The following RAD51B variants were observed in gnomAD, a reference collection of about 807,000 sequenced individuals.
RAD51B encodes the protein RAD51 paralog B, also known as DNA repair protein RAD51 homolog 2.
RAD51B carries 38 observed loss-of-function variants against 42.2 expected under a neutral mutation model. That is an observed-to-expected ratio of 0.90 (90% CI 0.70 to 1.18). The LOEUF (loss-of-function observed/expected upper bound fraction) is 1.18, where lower values mean the gene tolerates loss of function less well. Ranked by LOEUF, RAD51B falls within the 50% of genes most tolerant of loss-of-function variation. The pLI, the probability that RAD51B is intolerant of heterozygous loss-of-function variation, is 0.00. For missense variants in RAD51B, 373 were observed against 400.7 expected, an observed-to-expected ratio of 0.93 and a Z score of 0.59; for synonymous variants, 154 against 145.2, an observed-to-expected ratio of 1.06 and a Z score of -0.43.
chr14:68,541,296 A>G, intron 10 of RAD51B: 5 of 985,476 alleles, frequency 5.1e-6, no homozygotes, highest in Non-Finnish European at 6.0e-6. Context: ...TGTGGCAAAG[A>G]ATAGGTGGCT....
chr14:68,023,385 G>C (rs11624609), intron 7 of RAD51B, among the ~76,000 whole-genome samples: 26,367 of 152,014 alleles, frequency 0.17, 2,472 homozygotes, highest in Middle Eastern at 0.35. Context: ...ATCCAGGCTG[G>C]AGTGAAGTCC....
intron 10 of RAD51B, among the ~76,000 whole-genome samples, chr14:68,566,489 C>T (rs1481163301): frequency 6.6e-6 from 1 of 152,202 alleles, no homozygotes; most frequent in Non-Finnish European, 1.5e-5. Flanking sequence ...CTTGTATGCC[C>T]TGTTATGCCA....
intron 10 of RAD51B, among the ~76,000 whole-genome samples, chr14:68,521,779 G>C (rs1020906543): frequency 2.0e-5 from 3 of 152,110 alleles, no homozygotes; most frequent in African/African-American, 7.2e-5. Flanking sequence ...AAAACCTCCA[G>C]AATTTTCAGA....
chr14:68,438,638 A>G (rs902211057), intron 9 of RAD51B, among the ~76,000 whole-genome samples: 1 of 152,146 alleles, frequency 6.6e-6, no homozygotes, highest in Non-Finnish European at 1.5e-5. Context: ...TTTATAGCAC[A>G]TCATGTCATC....
intron 8 of RAD51B, 78 bp downstream of exon 8, chr14:68,292,058 C>T: frequency 7.5e-7 from 1 of 1,325,680 alleles, no homozygotes; most frequent in South Asian, 1.2e-5. Context: ...CTGTTGAGAG[C>T]TGGGAGATAT....
intron 7 of RAD51B, among the ~76,000 whole-genome samples, chr14:68,143,996 T>G (rs1478266170): frequency 6.6e-6 from 1 of 152,198 alleles, no homozygotes; most frequent in African/African-American, 2.4e-5. Context: ...GTGAACATCC[T>G]GTGGAAGATT....
At chr14:68,295,574 C>T (rs1320129847) in intron 8 of RAD51B, among the ~76,000 whole-genome samples, 4 of 152,216 alleles carry the variant, frequency 2.6e-5, no homozygotes, top group African/African-American at 9.6e-5. Context: ...TTGATCTCAG[C>T]AGGGGGATGC....
At chr14:68,108,269 G>C (rs1014658177) in intron 7 of RAD51B, among the ~76,000 whole-genome samples, 3 of 151,784 alleles carry the variant, frequency 2.0e-5, no homozygotes, top group African/African-American at 4.8e-5. Flanking sequence ...CCACACCTAG[G>C]TATATACCCA....
At chr14:67,922,010 A>G (rs2044342819) in intron 7 of RAD51B, among the ~76,000 whole-genome samples, 3 of 152,164 alleles carry the variant, frequency 2.0e-5, no homozygotes, top group Admixed American at 2.0e-4. Flanking sequence ...TTAGCTTCAT[A>G]TATTTCTGTG....
rs545809561 is a variant in RAD51B, at chr14:68,004,995, C to T, written c.756+117791C>T. 5.0e-5 allele frequency among the ~76,000 whole-genome samples: 7 copies of T among 139,668 alleles called. No homozygotes were observed. In the South Asian group the frequency reaches 1.7e-3, roughly 34 times the overall value. The allele number at this position is 139,668 out of a possible 152,430, so 91.6% of individuals were successfully genotyped here. A position where few individuals can be genotyped will look rare whatever the true frequency, so the allele number is the denominator to read the frequency against. Reference sequence around the variant, plus strand: ...TTTTGTGATTATTCATACAATAGAACATATTACATATTTATGTATCCATTC... The same window carrying T: ...TTTTGTGATTATTCATACAATAGAATATATTACATATTTATGTATCCATTC... On this transcript the variant is annotated intron_variant, in intron 7 of 10. Coordinates refer to ENST00000471583, the MANE Select transcript of RAD51B (RefSeq NM_133510.4).
chr14:68,209,595 A>T (rs2079660642), intron 7 of RAD51B, among the ~76,000 whole-genome samples: 1 of 152,098 alleles, frequency 6.6e-6, no homozygotes. Flanking sequence ...GAGAAAGGAG[A>T]ATATTTAGAT....
intron 8 of RAD51B, among the ~76,000 whole-genome samples, chr14:68,396,811 TG>T (rs1307425753): frequency 6.6e-6 from 1 of 152,166 alleles, no homozygotes; most frequent in African/African-American, 2.4e-5. Flanking sequence ...AGAAAATGAA[TG>T]GGATGTCCAG....
At chr14:68,638,851 G>C (rs559018001) in intron 10 of RAD51B, among the ~76,000 whole-genome samples, 1 of 152,322 alleles carries the variant, frequency 6.6e-6, no homozygotes, top group Non-Finnish European at 1.5e-5. Flanking sequence ...GGTTTCATAT[G>C]GAGCTGGAGA....
chr14:68,551,799 T>A (rs748169337), intron 10 of RAD51B, among the ~76,000 whole-genome samples: 5 of 152,238 alleles, frequency 3.3e-5, no homozygotes, highest in Non-Finnish European at 7.3e-5. Flanking sequence ...CAGATGCATC[T>A]TCAGCACAAA....
At chr14:68,610,256 A>G (rs960725060) in intron 10 of RAD51B, among the ~76,000 whole-genome samples, 1 of 152,100 alleles carries the variant, frequency 6.6e-6, no homozygotes, top group African/African-American at 2.4e-5. Context: ...GTCTCCCTGC[A>G]TGTCTGGTCA....
chr14:68,364,556 C>G (rs2083102019), intron 8 of RAD51B, among the ~76,000 whole-genome samples: 1 of 152,162 alleles, frequency 6.6e-6, no homozygotes, highest in Non-Finnish European at 1.5e-5. Flanking sequence ...ACTCTCTTTT[C>G]TTTTGCAGTG....
chr14:68,144,312 C>T (rs957889890), intron 7 of RAD51B, among the ~76,000 whole-genome samples: 1 of 152,176 alleles, frequency 6.6e-6, no homozygotes, highest in Non-Finnish European at 1.5e-5. Context: ...CTCATATTGG[C>T]TCTTAGTGAG....
intron 7 of RAD51B, among the ~76,000 whole-genome samples, chr14:68,164,383 T>C (rs2078706702): frequency 6.6e-6 from 1 of 152,248 alleles, no homozygotes; most frequent in South Asian, 2.1e-4. Flanking sequence ...ATGGGAGCTG[T>C]GGGCTCATAG....
intron 7 of RAD51B, among the ~76,000 whole-genome samples, chr14:68,161,367 G>T (rs2078635866): frequency 6.6e-6 from 1 of 152,206 alleles, no homozygotes; most frequent in African/African-American, 2.4e-5. Context: ...TTAGTAGAAA[G>T]GGAATGAATC....
Sources: gnomAD v4.1 joint callset for allele counts (sites outside exome capture counted in the v4.1 genomes callset) on GRCh38, gnomAD v4.1.1 for gene constraint, MANE v1.5 for transcripts, NCBI Gene and HGNC (gene_info 2026-07-23, HGNC 2026-07-21) for gene names.